NIBAN1: variants seen among roughly 807,000 people sequenced by gnomAD.
NIBAN1 encodes the protein niban apoptosis regulator 1.
A neutral mutation model predicts 75.1 loss-of-function variants in NIBAN1; 81 were observed. The observed-to-expected ratio is 1.08, with a 90% confidence interval of 0.90 to 1.30. The LOEUF is 1.30. Ranked by LOEUF, NIBAN1 falls within the 50% of genes most tolerant of loss-of-function variation. NIBAN1 has a pLI of 0.00. For missense variants in NIBAN1, 1,133 were observed against 1,128.1 expected, an observed-to-expected ratio of 1.00 and a Z score of -0.06; for synonymous variants, 436 against 424.8, an observed-to-expected ratio of 1.03 and a Z score of -0.32.
At chr1:184,881,705 G>A (rs969425683) in intron 5 of NIBAN1, among the ~76,000 whole-genome samples, 2 of 152,092 alleles carry the variant, frequency 1.3e-5, no homozygotes, top group Non-Finnish European at 2.9e-5. Flanking sequence ...GATTATTTAC[G>A]CCTCCCCTTT....
intron 3 of NIBAN1, among the ~76,000 whole-genome samples, chr1:184,893,164 G>A (rs1240953291): frequency 6.6e-6 from 1 of 152,140 alleles, no homozygotes; most frequent in African/African-American, 2.4e-5. Context: ...CATTTCAAAG[G>A]GAGCTTGAGG....
chr1:184,930,997 C>CTTTTTTCT lies in NIBAN1; in HGVS notation c.56-31689_56-31688insAGAAAAAA, dbSNP rs1553229154. Among the ~76,000 whole-genome samples the CTTTTTTCT allele has an allele frequency of 4.1e-4, 47 of 114,520 alleles. 2 individuals are homozygous for CTTTTTTCT. Among genetic ancestry groups the CTTTTTTCT allele is most frequent in the African/African-American group, 2.0e-3 (44 of 22,062 alleles). 75.1% of individuals were successfully genotyped at this position (114,520 alleles called of 152,430 possible). A position where few individuals can be genotyped will look rare whatever the true frequency, so the allele number is the denominator to read the frequency against. On this transcript the variant is annotated intron_variant, in intron 1 of 13. Transcript: ENST00000367511. The stretch of plus-strand genomic sequence containing the variant: ...GTTTCTAAGTGCACTTTTTCTTCTT[C>CTTTTTTCT]TTTTTTTTTTTTTTTTTTTTGAGAC...
At chr1:184,968,848 G>A (rs931876025) in intron 1 of NIBAN1, among the ~76,000 whole-genome samples, 1 of 152,116 alleles carries the variant, frequency 6.6e-6, no homozygotes, top group East Asian at 1.9e-4. Context: ...GTCCAGGGCT[G>A]GTATGGAGGT....
At chr1:184,885,066 T>C (rs1442009090) in intron 4 of NIBAN1, among the ~76,000 whole-genome samples, 1 of 152,156 alleles carries the variant, frequency 6.6e-6, no homozygotes, top group Non-Finnish European at 1.5e-5. Context: ...TTCTCTTTTT[T>C]GAGACAGAGT....
intron 5 of NIBAN1, among the ~76,000 whole-genome samples, chr1:184,880,889 C>G (rs531152547): frequency 2.0e-4 from 30 of 152,268 alleles, no homozygotes; most frequent in African/African-American, 7.2e-4. Context: ...TGATCAGAGA[C>G]AAGGGATTAC....
intron 1 of NIBAN1, among the ~76,000 whole-genome samples, chr1:184,929,157 A>G (rs1007041316): frequency 1.3e-5 from 2 of 152,200 alleles, no homozygotes; most frequent in African/African-American, 4.8e-5. Context: ...GTGTCCACAG[A>G]AACTCCCTTC....
chr1:184,974,298 G>C lies in NIBAN1; in HGVS notation c.55+4C>G, dbSNP rs1258871532. On this transcript the variant is annotated splice_donor_region_variant and intron_variant, in intron 1 of 13. Coordinates refer to ENST00000367511, the MANE Select transcript of NIBAN1 (RefSeq NM_052966.4). Reference sequence around the variant, plus strand: ...TCCCCAGGCCCCCGGGCGGGCGGGCGTACCTCGGATGTAAGCGCACTTGCC... The same window carrying C: ...TCCCCAGGCCCCCGGGCGGGCGGGCCTACCTCGGATGTAAGCGCACTTGCC... 6.4e-7 allele frequency: 1 copy of C among 1,558,856 alleles called. No individual in the cohort carries two copies. Among genetic ancestry groups the C allele is most frequent in the Non-Finnish European group, 8.6e-7 (1 of 1,159,732 alleles).
intron 1 of NIBAN1, among the ~76,000 whole-genome samples, chr1:184,952,001 T>C (rs944868872): frequency 9.2e-5 from 14 of 152,218 alleles, no homozygotes; most frequent in African/African-American, 3.1e-4. Context: ...GTAAGTCCCA[T>C]GAGAGCAGGG....
chr1:184,851,631 A>T lies in NIBAN1; in HGVS notation c.602-19669T>A, dbSNP rs1238261697. ...TACCCTAAAACTTAGAGTATAATAA[A>T]AAAAAAAAAAATTAAAAAAAAAAAT... On this transcript the variant is annotated intron_variant, in intron 5 of 13. Coordinates refer to ENST00000367511, the MANE Select transcript of NIBAN1 (RefSeq NM_052966.4). Among the ~76,000 whole-genome samples the T allele has an allele frequency of 5.1e-4, 62 of 122,640 alleles. 23 individuals carry two copies. The highest frequency in any genetic ancestry group is 1.6e-3 in the African/African-American group (56 of 35,906). 80.5% of individuals were successfully genotyped at this position (122,640 alleles called of 152,430 possible).
chr1:184,812,706 C>A (rs1654418229), intron 9 of NIBAN1, among the ~76,000 whole-genome samples: 2 of 152,216 alleles, frequency 1.3e-5, no homozygotes, highest in South Asian at 4.1e-4. Context: ...CCTTTGCAAA[C>A]TCAAAGTTAA....
chr1:184,936,180 C>A (rs981663219), intron 1 of NIBAN1, among the ~76,000 whole-genome samples: 1 of 152,126 alleles, frequency 6.6e-6, no homozygotes, highest in East Asian at 1.9e-4. Context: ...CATATGTACT[C>A]CAAAAGAGTG....
At chr1:184,809,735 A>C (rs1654322526) in intron 9 of NIBAN1, among the ~76,000 whole-genome samples, 1 of 151,340 alleles carries the variant, frequency 6.6e-6, no homozygotes, top group Admixed American at 6.6e-5. Context: ...CTTTATTCAT[A>C]ATGCCAGCAA....
intron 4 of NIBAN1, among the ~76,000 whole-genome samples, chr1:184,889,447 T>C (rs1332929405): frequency 6.6e-6 from 1 of 152,240 alleles, no homozygotes; most frequent in Non-Finnish European, 1.5e-5. Flanking sequence ...CAATGCTTTT[T>C]TTTTTCACAG....
intron 1 of NIBAN1, among the ~76,000 whole-genome samples, chr1:184,938,417 T>C (rs902780057): frequency 6.6e-6 from 1 of 152,158 alleles, no homozygotes; most frequent in African/African-American, 2.4e-5. Context: ...AACAACTAGA[T>C]AATCAGTCTT....
intron 1 of NIBAN1, among the ~76,000 whole-genome samples, chr1:184,940,513 T>A (rs1658065041): frequency 1.3e-5 from 2 of 152,338 alleles, no homozygotes; most frequent in South Asian, 2.1e-4. Flanking sequence ...ATCTATGATG[T>A]GTTGGTTTTA....
chr1:184,802,556 C>T (rs338560), intron 12 of NIBAN1, among the ~76,000 whole-genome samples: 16 of 152,128 alleles, frequency 1.1e-4, no homozygotes, highest in Non-Finnish European at 2.2e-4. Flanking sequence ...CAAATAAATG[C>T]CAAATATATC....
chr1:184,964,437 C>A (rs901391070), intron 1 of NIBAN1, among the ~76,000 whole-genome samples: 1 of 152,232 alleles, frequency 6.6e-6, no homozygotes, highest in African/African-American at 2.4e-5. Context: ...CAGCACAGCT[C>A]GGTTAACAGC....
At chr1:184,798,354 T>C (rs979623780) in intron 12 of NIBAN1, among the ~76,000 whole-genome samples, 164 bp from the exon 13 acceptor site, 6 of 152,246 alleles carry the variant, frequency 3.9e-5, no homozygotes, top group African/African-American at 9.6e-5. Context: ...TAATATTTTA[T>C]TGGGTTCCCT....
intron 5 of NIBAN1, among the ~76,000 whole-genome samples, chr1:184,858,117 TAAC>T (rs1418043694): frequency 2.0e-5 from 3 of 151,978 alleles, no homozygotes; most frequent in Non-Finnish European, 4.4e-5. Flanking sequence ...AGGTTAATAA[TAAC>T]ATAATTAGTT....
Sources: allele counts gnomAD v4.1 joint callset (sites outside exome capture counted in the v4.1 genomes callset), GRCh38; gene constraint gnomAD v4.1.1; transcripts MANE v1.5; gene names NCBI Gene and HGNC (gene_info 2026-07-23, HGNC 2026-07-21).